The following EIF2AK4 variants were observed in gnomAD, a reference collection of about 807,000 sequenced individuals.
EIF2AK4 encodes the protein eukaryotic translation initiation factor 2 alpha kinase 4.
Under a neutral mutation model 211.1 loss-of-function variants are expected in EIF2AK4, and 139 were observed. The ratio of observed to expected loss-of-function variants is 0.66; its 90% confidence interval spans 0.57 to 0.76. The LOEUF (loss-of-function observed/expected upper bound fraction) is 0.76, where lower values mean the gene tolerates loss of function less well. EIF2AK4 is among the 30% of genes least tolerant of loss of function. The probability of loss-of-function intolerance (pLI) is 0.00; values close to 1 mark genes in which losing one functional copy is unlikely to be tolerated. For missense variants in EIF2AK4, 1,664 were observed against 2,043.8 expected (o/e 0.81, Z 3.58); for synonymous variants, 710 against 751.3 (o/e 0.94, Z 0.90).
chr15:39,965,197 C>T (rs958676140), intron 7 of EIF2AK4, among the ~76,000 whole-genome samples: 3 of 152,176 alleles, frequency 2.0e-5, no homozygotes, highest in African/African-American at 7.2e-5. Flanking sequence ...TGTAGGCTCA[C>T]TGCAACCTCC....
chr15:40,005,426 G>C (rs2035147022), intron 23 of EIF2AK4, among the ~76,000 whole-genome samples: 2 of 151,594 alleles, frequency 1.3e-5, no homozygotes, highest in South Asian at 4.2e-4. Flanking sequence ...GAACCCGGGA[G>C]GCGGAGGTTG....
At chr15:39,936,516 G>A (rs1373906601) in intron 1 of EIF2AK4, among the ~76,000 whole-genome samples, 1 of 152,142 alleles carries the variant, frequency 6.6e-6, no homozygotes, top group Non-Finnish European at 1.5e-5. Flanking sequence ...AGGTTCAAGC[G>A]ATTCTTGTGC....
intron 12 of EIF2AK4, 188 bp from the exon 13 acceptor site, chr15:39,977,890 A>G (rs1056177886): frequency 8.0e-6 from 3 of 376,286 alleles, no homozygotes; most frequent in African/African-American, 4.2e-5. Flanking sequence ...AATTTTTATT[A>G]AATCAAGGGT....
chr15:39,990,369 G>T lies in EIF2AK4; in HGVS notation c.2623G>T (p.Ala875Ser), dbSNP rs1595413226. The change falls in exon 16 of 39, where the codon GCC becomes TCC. Residue 875 changes from alanine (A) to serine (S), a missense_variant. Around this residue, in one of 7 missense-constraint regions of EIF2AK4, gnomAD observed 622 missense variants for 796.8 expected, o/e 0.78. Coordinates refer to ENST00000263791, the MANE Select transcript of EIF2AK4 (RefSeq NM_001013703.4). Reference sequence around the variant, plus strand: ...TTTTGGTTTGGCGACAGACCATCTAGCCTTTTCTGTAAGTATTTTAAAAAT... The same window carrying T: ...TTTTGGTTTGGCGACAGACCATCTATCCTTTTCTGTAAGTATTTTAAAAAT... ...GDFGLATDHLAFSADSKQDDQ... is the reference protein window; with the variant it reads ...GDFGLATDHLSFSADSKQDDQ... 1 of 1,613,592 alleles carries T rather than the reference G, an allele frequency of 6.2e-7. No homozygotes were observed. Among genetic ancestry groups the T allele is most frequent in the Non-Finnish European group, 8.5e-7 (1 of 1,179,754 alleles).
intron 1 of EIF2AK4, among the ~76,000 whole-genome samples, chr15:39,934,964 A>G (rs1265796826): frequency 6.6e-6 from 1 of 152,228 alleles, no homozygotes; most frequent in African/African-American, 2.4e-5. Flanking sequence ...GACTGAGTCT[A>G]GAGAAGGAGT....
At chr15:39,954,037 T>G in intron 5 of EIF2AK4, 53 bp downstream of exon 5, 1 of 1,398,936 alleles carries the variant, frequency 7.1e-7, no homozygotes, top group South Asian at 1.3e-5. Context: ...CAAAGTGTTT[T>G]TATTTCCACT....
intron 21 of EIF2AK4, 106 bp downstream of exon 21, chr15:40,001,330 G>A: frequency 1.8e-6 from 2 of 1,132,182 alleles, no homozygotes; most frequent in Non-Finnish European, 2.5e-6. Flanking sequence ...GTTCTTATGT[G>A]AGGTATTGGA....
At chr15:39,993,482 G>A (rs577874371) in intron 18 of EIF2AK4, among the ~76,000 whole-genome samples, 1 of 152,380 alleles carries the variant, frequency 6.6e-6, no homozygotes, top group South Asian at 2.1e-4. Flanking sequence ...TAAAGGATGA[G>A]AAAGGACAAG....
At chr15:39,993,205 C>T (rs1183509850) in intron 18 of EIF2AK4, among the ~76,000 whole-genome samples, 1 of 151,986 alleles carries the variant, frequency 6.6e-6, no homozygotes, top group African/African-American at 2.4e-5. Context: ...TCCGTCCGTC[C>T]ATCCATCCAT....
At chr15:39,963,996 T>C (rs2034508313) in intron 7 of EIF2AK4, among the ~76,000 whole-genome samples, 1 of 152,226 alleles carries the variant, frequency 6.6e-6, no homozygotes, top group Non-Finnish European at 1.5e-5. Context: ...TCTAGTAGAC[T>C]GCTTAGATCC....
chr15:39,946,511 G>A (rs1267500211), intron 3 of EIF2AK4: 2 of 700,624 alleles, frequency 2.9e-6, no homozygotes, highest in East Asian at 5.4e-5. Flanking sequence ...TTCTTGAGTG[G>A]TTCCTGAAGA....
intron 3 of EIF2AK4, among the ~76,000 whole-genome samples, chr15:39,945,513 A>G (rs566482628): frequency 3.0e-4 from 46 of 152,318 alleles, no homozygotes; most frequent in African/African-American, 1.0e-3. Context: ...CATGAGGTTT[A>G]AGGAAAGAAG....
intron 13 of EIF2AK4, among the ~76,000 whole-genome samples, chr15:39,981,687 A>G (rs981189749): frequency 1.3e-5 from 2 of 152,196 alleles, no homozygotes; most frequent in Non-Finnish European, 2.9e-5. Flanking sequence ...GAAATGGTCA[A>G]ATACTAACTA....
chr15:40,016,551 T>A lies in EIF2AK4; in HGVS notation c.3809T>A (p.Leu1270His). The A allele has an allele frequency of 6.2e-7, 1 of 1,614,190 alleles. No individual in the cohort carries two copies. The highest frequency in any genetic ancestry group is 1.1e-5 in the South Asian group (1 of 91,080). Residue 1270 changes from leucine to histidine, a missense_variant, in exon 28 of 39, where the codon CTT becomes CAT. By Grantham distance (99) the Leu-to-His change is moderately conservative (BLOSUM62 -3). This residue lies in a region of EIF2AK4 where 622 missense variants were observed against 796.8 expected (regional missense o/e 0.78). Coordinates refer to ENST00000263791, the MANE Select transcript of EIF2AK4 (RefSeq NM_001013703.4). Reference protein sequence around the residue: ...FIEQKGDLQDLMPTINSLIKQ... With the variant: ...FIEQKGDLQDHMPTINSLIKQ... ...GAACAGAAGGGAGATTTGCAAGATC[T>A]TATGCCAACAATAAATTCATTAATA...
intron 19 of EIF2AK4, among the ~76,000 whole-genome samples, chr15:39,997,861 A>G (rs1013797274): frequency 1.3e-5 from 2 of 152,116 alleles, no homozygotes; most frequent in African/African-American, 4.8e-5. Flanking sequence ...AGTGATTTAA[A>G]TTCACATATT....
At chr15:39,953,754 G>A in intron 4 of EIF2AK4, 150 bp from the exon 5 acceptor site, 1 of 702,058 alleles carries the variant, frequency 1.4e-6, no homozygotes, top group Non-Finnish European at 2.3e-6. Flanking sequence ...TGATAGAACT[G>A]CAGTTTGTAC....
chr15:40,034,263 C>G (rs921843087), intron 37 of EIF2AK4, 63 bp from the exon 38 acceptor site: 1 of 1,316,092 alleles, frequency 7.6e-7, no homozygotes, highest in Non-Finnish European at 1.1e-6. Context: ...ATTAGTGACC[C>G]AGAAAAAACC....
intron 11 of EIF2AK4, 126 bp from the exon 12 acceptor site, chr15:39,976,288 G>T: frequency 1.9e-6 from 2 of 1,027,218 alleles, no homozygotes; most frequent in Non-Finnish European, 2.7e-6. Context: ...CAGGCATGTG[G>T]TTCTTGACTG....
chr15:39,953,267 T>C (rs1176745518), intron 4 of EIF2AK4, among the ~76,000 whole-genome samples: 1 of 152,270 alleles, frequency 6.6e-6, no homozygotes, highest in African/African-American at 2.4e-5. Context: ...AAGTTTGGGG[T>C]GTGTTTTTAC....
Sources: gnomAD v4.1 joint callset for allele counts (sites outside exome capture counted in the v4.1 genomes callset) on GRCh38, gnomAD v4.1.1 for gene constraint, gnomAD v4.1.1 regional missense constraint, MANE v1.5 for transcripts, NCBI Gene and HGNC (gene_info 2026-07-23, HGNC 2026-07-21) for gene names.